The following ABCA12 variants were observed in gnomAD, a reference collection of about 807,000 sequenced individuals.
ABCA12 encodes glucosylceramide transporter ABCA12.
ABCA12 carries 156 observed loss-of-function variants against 293.5 expected under a neutral mutation model. The observed-to-expected ratio is 0.53, with a 90% CI of 0.47 to 0.61. ABCA12 has a LOEUF of 0.61. Among genes scored for constraint, ABCA12 ranks in the 20% least tolerant of loss-of-function variants. The pLI is 0.00. For synonymous variants in ABCA12, 1,063 were observed against 1,108.0 expected, an observed-to-expected ratio of 0.96 and a Z score of 0.81; for missense variants, 2,797 against 3,090.2, an observed-to-expected ratio of 0.91 and a Z score of 2.25.
intron 46 of ABCA12, 71 bp downstream of exon 46, chr2:214,948,969 A>G (rs1481689160): frequency 7.3e-7 from 1 of 1,368,574 alleles, no homozygotes; most frequent in African/African-American, 1.4e-5. Context: ...ATAACATTAA[A>G]TGTTCATTTC....
At chr2:214,979,248 C>T (rs1318494418) in intron 31 of ABCA12, among the ~76,000 whole-genome samples, 1 of 151,908 alleles carries the variant, frequency 6.6e-6, no homozygotes, top group African/African-American at 2.4e-5. Context: ...CTTCTCTAAC[C>T]CCCTCCCTCT....
At chr2:215,053,135 T>C (rs1701353246) in intron 4 of ABCA12, among the ~76,000 whole-genome samples, 2 of 152,158 alleles carry the variant, frequency 1.3e-5, no homozygotes, top group African/African-American at 2.4e-5. Flanking sequence ...ACATACAGTA[T>C]ACTCTAATTA....
chr2:215,031,355 G>A (rs1451122251), intron 9 of ABCA12, among the ~76,000 whole-genome samples: 2 of 152,216 alleles, frequency 1.3e-5, no homozygotes, highest in Non-Finnish European at 2.9e-5. Flanking sequence ...GAATGAGTAT[G>A]TTCTCCCGAA....
chr2:214,965,850 A>G (rs1462744311), intron 39 of ABCA12, among the ~76,000 whole-genome samples: 1 of 152,226 alleles, frequency 6.6e-6, no homozygotes, highest in Non-Finnish European at 1.5e-5. Context: ...ATCTACAGGC[A>G]GAAATACCAT....
intron 51 of ABCA12, among the ~76,000 whole-genome samples, chr2:214,936,278 A>G (rs1479279346): frequency 6.6e-6 from 1 of 152,218 alleles, no homozygotes; most frequent in Non-Finnish European, 1.5e-5. Flanking sequence ...AAGAAAAAGC[A>G]TAGTGTATAC....
intron 15 of ABCA12, among the ~76,000 whole-genome samples, chr2:215,012,677 C>A (rs1007231104): frequency 2.0e-5 from 3 of 151,858 alleles, no homozygotes; most frequent in African/African-American, 7.3e-5. Context: ...GGTTTCCTTC[C>A]GAAGTAATGG....
chr2:215,051,601 A>T (rs1475115316), intron 5 of ABCA12, among the ~76,000 whole-genome samples: 5 of 76,954 alleles, frequency 6.5e-5, no homozygotes, highest in African/African-American at 1.9e-4. Flanking sequence ...TATATTATTA[A>T]AAACGCTAGT....
chr2:215,088,022 C>T (rs370706268), intron 2 of ABCA12, among the ~76,000 whole-genome samples: 6 of 152,004 alleles, frequency 3.9e-5, no homozygotes, highest in African/African-American at 1.4e-4. Context: ...ATGTATGTGA[C>T]AATGAGTGAT....
Position 215,025,767 on chromosome 2 carries a change from A to G in ABCA12, c.1193T>C (p.Leu398Pro). ...LARGSPENLR[L>P]LQSTIRFKKS... ...TTTAAATCGTATTGTGGACTGCAGGAGTCTTAGATTTTCTGTAAAGGAAGG... is the reference window on the plus strand; with the variant it reads ...TTTAAATCGTATTGTGGACTGCAGGGGTCTTAGATTTTCTGTAAAGGAAGG... The change falls in exon 11 of 53, where the codon CTC becomes CCC. Residue 398 changes from leucine (L) to proline (P), a missense_variant. Leu to Pro is a moderately conservative substitution (Grantham distance 98, BLOSUM62 -3). Transcript: ENST00000272895. The G allele has an allele frequency of 6.2e-7, 1 of 1,611,352 alleles. No homozygotes were observed. The highest frequency in any genetic ancestry group is 8.5e-7 in the Non-Finnish European group (1 of 1,177,882).
At position 214,982,188 on chromosome 2, in the gene ABCA12, A is replaced by G; in HGVS notation, c.4578T>C (p.Thr1526=). 1 of 1,613,766 alleles carries G rather than the reference A, an allele frequency of 6.2e-7. No homozygotes were observed. The highest frequency in any genetic ancestry group is 8.5e-7 in the Non-Finnish European group (1 of 1,179,856). ...SIWDVISKNK[T]ARTIILSTHH... ...GAAGTTCTGAGAAACTACTCATACC[A>G]GTTTTGTTCTTGGATATAACATCCC... The change falls in exon 30 of 53, where the codon ACT becomes ACC. Residue 1526 remains threonine (T), a splice_region_variant and synonymous_variant. Transcript: ENST00000272895.
intron 28 of ABCA12, among the ~76,000 whole-genome samples, chr2:214,984,527 C>T (rs1207350232): frequency 6.6e-6 from 1 of 152,158 alleles, no homozygotes; most frequent in African/African-American, 2.4e-5. Flanking sequence ...CATTATTCAG[C>T]TCCAGGATTG....
intron 20 of ABCA12, among the ~76,000 whole-genome samples, chr2:215,002,730 A>C (rs1346031379): frequency 1.3e-5 from 2 of 152,194 alleles, no homozygotes; most frequent in Non-Finnish European, 1.5e-5. Flanking sequence ...AATCAACACA[A>C]CACCAAGGAA....
intron 1 of ABCA12, among the ~76,000 whole-genome samples, chr2:215,129,624 A>G (rs1297020157): frequency 1.3e-5 from 2 of 152,104 alleles, no homozygotes; most frequent in Non-Finnish European, 2.9e-5. Flanking sequence ...TAGATTCTAG[A>G]TATTAATTCA....
chr2:215,101,713 T>G (rs561450246), intron 2 of ABCA12, among the ~76,000 whole-genome samples: 2 of 152,144 alleles, frequency 1.3e-5, no homozygotes, highest in Non-Finnish European at 2.9e-5. Context: ...CAAAGAGTAA[T>G]TCTCTATTTT....
intron 7 of ABCA12, among the ~76,000 whole-genome samples, chr2:215,041,738 A>G (rs1411335148): frequency 6.6e-6 from 1 of 152,210 alleles, no homozygotes. Context: ...CACTATTCAC[A>G]ATAGTCAAAA....
chr2:215,127,923 G>C (rs2105914409), intron 1 of ABCA12, among the ~76,000 whole-genome samples: 1 of 152,276 alleles, frequency 6.6e-6, no homozygotes, highest in East Asian at 1.9e-4. Context: ...AAGAGGTTCT[G>C]TTTTGATGTG....
intron 2 of ABCA12, among the ~76,000 whole-genome samples, chr2:215,080,295 C>T (rs544194265): frequency 8.5e-4 from 129 of 152,124 alleles, no homozygotes; most frequent in South Asian, 1.5e-3. Context: ...GCAGGGAGTT[C>T]GAGACCAGTC....
intron 2 of ABCA12, among the ~76,000 whole-genome samples, chr2:215,073,847 G>A (rs1472349001): frequency 6.6e-6 from 1 of 152,222 alleles, no homozygotes; most frequent in Non-Finnish European, 1.5e-5. Context: ...TGATGTTGGG[G>A]TTTGGAGGAG....
chr2:214,988,492 A>C (rs1431133451), intron 26 of ABCA12, among the ~76,000 whole-genome samples: 1 of 152,218 alleles, frequency 6.6e-6, no homozygotes, highest in African/African-American at 2.4e-5. Context: ...CAGATCTTAC[A>C]TAAATGAAAT....
Sources: allele counts gnomAD v4.1 joint callset (sites outside exome capture counted in the v4.1 genomes callset), GRCh38; gene constraint gnomAD v4.1.1; transcripts MANE v1.5; gene names NCBI Gene and HGNC (gene_info 2026-07-23, HGNC 2026-07-21).